CATSPERT: variants seen among roughly 807,000 people sequenced by gnomAD.
CATSPERT encodes cation channel sperm-associated targeting subunit tau.
the CATSPERT span, among the ~76,000 whole-genome samples, chr2:201,513,092 T>TA: frequency 9.4e-5 from 13 of 138,926 alleles, no homozygotes; most frequent in Non-Finnish European, 1.4e-4. Context: ...AATAATAAAA[T>TA]AAAAAAAAAG....
the CATSPERT span, among the ~76,000 whole-genome samples, chr2:201,588,244 A>G: frequency 1.3e-5 from 2 of 152,116 alleles, no homozygotes; most frequent in African/African-American, 4.8e-5. Flanking sequence ...AAAATCCTCA[A>G]CAAAATACTG....
At chr2:201,548,093 C>T in the CATSPERT span, among the ~76,000 whole-genome samples, 4 of 151,998 alleles carry the variant, frequency 2.6e-5, no homozygotes, top group South Asian at 8.3e-4. Flanking sequence ...GGTACTTGTG[C>T]ACAACGTGCA....
the CATSPERT span, among the ~76,000 whole-genome samples, chr2:201,518,386 A>T: frequency 1.3e-5 from 2 of 152,364 alleles, no homozygotes; most frequent in South Asian, 4.1e-4. Context: ...TAACTACCAC[A>T]TTCATGACTA....
At chr2:201,612,491 T>C in the CATSPERT span, among the ~76,000 whole-genome samples, 1 of 151,302 alleles carries the variant, frequency 6.6e-6, no homozygotes, top group Admixed American at 6.6e-5. Context: ...GGAGAATCAC[T>C]TGAACCCGGG....
chr2:201,495,066 G>T, the CATSPERT span, among the ~76,000 whole-genome samples: 1 of 151,898 alleles, frequency 6.6e-6, no homozygotes, highest in African/African-American at 2.4e-5. Flanking sequence ...GCAATTTCTG[G>T]TGTTAGCTTC....
the CATSPERT span, among the ~76,000 whole-genome samples, chr2:201,562,754 A>C: frequency 7.6e-6 from 1 of 132,262 alleles, no homozygotes; most frequent in African/African-American, 2.8e-5. Context: ...CTGTTTAACA[A>C]AGCACATCTT....
the CATSPERT span, chr2:201,618,945 C>A: frequency 6.2e-7 from 1 of 1,613,930 alleles, no homozygotes; most frequent in South Asian, 1.1e-5. Context: ...TGTTCTTAGG[C>A]AGGGCCGTCG....
the CATSPERT span, among the ~76,000 whole-genome samples, chr2:201,520,166 A>T: frequency 6.6e-6 from 1 of 152,252 alleles, no homozygotes; most frequent in African/African-American, 2.4e-5. Context: ...ACCCAGATAT[A>T]TAAAGCAAAT....
At chr2:201,524,597 G>A in the CATSPERT span, among the ~76,000 whole-genome samples, 3 of 152,076 alleles carry the variant, frequency 2.0e-5, no homozygotes, top group Non-Finnish European at 2.9e-5. Context: ...ACAACATGAC[G>A]ACAGGATCAA....
chr2:201,610,709 T>A, the CATSPERT span, among the ~76,000 whole-genome samples: 2 of 151,818 alleles, frequency 1.3e-5, no homozygotes, highest in African/African-American at 4.8e-5. Flanking sequence ...GATGCAAAAA[T>A]CTTCAACAAA....
the CATSPERT span, among the ~76,000 whole-genome samples, chr2:201,612,994 G>A: frequency 6.6e-6 from 1 of 152,268 alleles, no homozygotes; most frequent in African/African-American, 2.4e-5. Context: ...GCAGCAGCAA[G>A]GCTGGGGGAG....
chr2:201,527,863 T>G, the CATSPERT span, among the ~76,000 whole-genome samples: 1 of 151,862 alleles, frequency 6.6e-6, no homozygotes, highest in African/African-American at 2.4e-5. Flanking sequence ...GATTTAATTA[T>G]GAAGACTCCA....
At chr2:201,585,407 GAAAA>G in the CATSPERT span, among the ~76,000 whole-genome samples, 1 of 122,904 alleles carries the variant, frequency 8.1e-6, no homozygotes, top group African/African-American at 3.1e-5. Context: ...TACAGAACAA[GAAAA>G]AAAAAAAAAA....
At chr2:201,598,004 A>T in the CATSPERT span, among the ~76,000 whole-genome samples, 2 of 152,216 alleles carry the variant, frequency 1.3e-5, no homozygotes, top group Non-Finnish European at 2.9e-5. Flanking sequence ...TATATACTAT[A>T]TAAAGTCAAG....
At chr2:201,614,228 G>A in the CATSPERT span, among the ~76,000 whole-genome samples, 15 of 152,238 alleles carry the variant, frequency 9.9e-5, no homozygotes, top group African/African-American at 3.1e-4. Context: ...GATACTCCTC[G>A]AGAAGAGGAA....
the CATSPERT span, among the ~76,000 whole-genome samples, chr2:201,526,349 C>T: frequency 1.3e-5 from 2 of 151,992 alleles, no homozygotes; most frequent in Non-Finnish European, 2.9e-5. Flanking sequence ...GAAATCCTGT[C>T]TCTACTAAAA....
At chr2:201,565,304 C>CAA in the CATSPERT span, among the ~76,000 whole-genome samples, 58,974 of 143,926 alleles carry the variant, frequency 0.41, 12,603 homozygotes, top group East Asian at 0.73. Context: ...GGCCTCGTCT[C>CAA]AAAAAAAAAA....
the CATSPERT span, chr2:201,582,266 T>C: frequency 6.5e-7 from 1 of 1,533,434 alleles, no homozygotes; most frequent in Non-Finnish European, 8.8e-7. Context: ...TGAGCCTAAA[T>C]ATTTCTGAAC....
the CATSPERT span, chr2:201,619,057 G>A: frequency 2.3e-5 from 37 of 1,614,036 alleles, no homozygotes; most frequent in Middle Eastern, 3.3e-4. Flanking sequence ...CGGGGTGGCG[G>A]ACAGGACTTG....
Sources: gnomAD v4.1 joint callset for allele counts (sites outside exome capture counted in the v4.1 genomes callset) on GRCh38, gnomAD v4.1.1 for gene constraint, MANE v1.5 for transcripts, NCBI Gene and HGNC (gene_info 2026-07-23, HGNC 2026-07-21) for gene names.